Variants in PM20D2 observed in about 807,000 individuals in gnomAD.
The protein encoded by PM20D2 is xaa-Arg dipeptidase.
A neutral mutation model predicts 42.9 loss-of-function variants in PM20D2; 33 were observed. The observed-to-expected ratio is 0.77, with a 90% CI of 0.58 to 1.03. The LOEUF is 1.03. PM20D2 is among the 50% of genes least tolerant of loss of function. The pLI is 0.00. For synonymous variants in PM20D2, 250 were observed against 228.2 expected (o/e 1.10, Z -0.86); for missense variants, 548 against 557.0 (o/e 0.98, Z 0.16).
At chr6:89,116,770 TGTCTAAAAA>T in the PM20D2 span, among the ~76,000 whole-genome samples, 6 of 121,926 alleles carry the variant, frequency 4.9e-5, no homozygotes, top group Non-Finnish European at 1.1e-4. Context: ...AGCGAGACTT[TGTCTAAAAA>T]AAAAAAAAAA....
chr6:89,122,514 T>G, the PM20D2 span, among the ~76,000 whole-genome samples: 2 of 152,224 alleles, frequency 1.3e-5, no homozygotes, highest in Non-Finnish European at 2.9e-5. Flanking sequence ...ATGGGCTAAT[T>G]ATCAGGTCTA....
the PM20D2 span, chr6:89,105,093 G>A: frequency 5.8e-6 from 9 of 1,550,910 alleles, no homozygotes; most frequent in Middle Eastern, 1.7e-4. Context: ...AGTAGAAAAT[G>A]AAATTTTCAG....
At chr6:89,151,867 C>T (rs1469991208) in intron 2 of PM20D2, among the ~76,000 whole-genome samples, 1 of 152,032 alleles carries the variant, frequency 6.6e-6, no homozygotes, top group Admixed American at 6.6e-5. Flanking sequence ...GCAGGAGAGT[C>T]TCTTGAGCCC....
chr6:89,117,865 G>T, the PM20D2 span: 1 of 1,563,406 alleles, frequency 6.4e-7, no homozygotes. Context: ...GGAGGTGTTG[G>T]GGGGCCTCGT....
chr6:89,104,941 C>T, the PM20D2 span, among the ~76,000 whole-genome samples: 5 of 151,828 alleles, frequency 3.3e-5, no homozygotes, highest in East Asian at 1.9e-4. Flanking sequence ...CTGTAGTACC[C>T]GCTACTTGGG....
At chr6:89,100,198 A>G in the PM20D2 span, among the ~76,000 whole-genome samples, 1 of 152,216 alleles carries the variant, frequency 6.6e-6, no homozygotes, top group African/African-American at 2.4e-5. Flanking sequence ...AGGGACCAGC[A>G]AAAAACCGGA....
chr6:89,161,800 A>T lies in PM20D2; in HGVS notation c.1066A>T (p.Asn356Tyr). 1 of 1,611,514 alleles carries T rather than the reference A, an allele frequency of 6.2e-7. No individual in the cohort carries two copies. The highest frequency in any genetic ancestry group is 8.5e-7 in the Non-Finnish European group (1 of 1,177,580). Residue 356 changes from asparagine to tyrosine, a missense_variant, in exon 6 of 7, where the codon AAT becomes TAT. By Grantham distance (143) the Asn-to-Tyr change is moderately radical (BLOSUM62 -2). Coordinates refer to ENST00000275072, the MANE Select transcript of PM20D2 (RefSeq NM_001010853.3). ...NGPSGSTDFGNVSFVVPGIHP... is the reference protein window; with the variant it reads ...NGPSGSTDFGYVSFVVPGIHP... ...GTTCCAAGGATCTACGGATTTTGGA[A>T]ATGTTAGTTTTGTGGTTCCTGGAAT...
chr6:89,154,411 T>C (rs190547270), intron 3 of PM20D2, among the ~76,000 whole-genome samples: 2 of 152,326 alleles, frequency 1.3e-5, no homozygotes, highest in East Asian at 3.9e-4. Context: ...TGGTAAAATC[T>C]TTTCCAGAAA....
At chr6:89,113,739 G>A in the PM20D2 span, among the ~76,000 whole-genome samples, 2 of 152,146 alleles carry the variant, frequency 1.3e-5, no homozygotes, top group African/African-American at 4.8e-5. Flanking sequence ...GACCACCTGG[G>A]CTCAGGCGAT....
the PM20D2 span, chr6:89,098,580 A>C: frequency 6.2e-7 from 1 of 1,607,582 alleles, no homozygotes; most frequent in Non-Finnish European, 8.5e-7. Flanking sequence ...GTTGCTGTTC[A>C]CCAACTGTTT....
the PM20D2 span, among the ~76,000 whole-genome samples, chr6:89,130,810 CTTCTT>C: frequency 1.7e-5 from 1 of 57,594 alleles, no homozygotes; most frequent in South Asian, 8.4e-4. Flanking sequence ...TTGTATCTGG[CTTCTT>C]CTTCTTTTTT....
upstream of PM20D2, among the ~76,000 whole-genome samples, chr6:89,142,950 G>A (rs568626009): frequency 1.3e-5 from 2 of 152,210 alleles, no homozygotes; most frequent in East Asian, 1.9e-4. Context: ...GCGCCACCGC[G>A]CCCGGCCCCC....
At chr6:89,104,703 G>A in the PM20D2 span, among the ~76,000 whole-genome samples, 3,446 of 152,104 alleles carry the variant, frequency 0.023, 79 homozygotes, top group African/African-American at 0.063. Context: ...AACAAAAATT[G>A]ATTATGTTTG....
At chr6:89,157,538 C>T (rs1771092328) in intron 4 of PM20D2, among the ~76,000 whole-genome samples, 1 of 152,174 alleles carries the variant, frequency 6.6e-6, no homozygotes, top group Non-Finnish European at 1.5e-5. Flanking sequence ...TTCTACATTT[C>T]CCTCAGAGTA....
intron 5 of PM20D2, among the ~76,000 whole-genome samples, chr6:89,160,995 A>G (rs1173496419): frequency 2.0e-5 from 3 of 152,124 alleles, no homozygotes; most frequent in Non-Finnish European, 4.4e-5. Flanking sequence ...TTGAAAAAAA[A>G]AAGACGGCAA....
At chr6:89,137,159 C>T in the PM20D2 span, among the ~76,000 whole-genome samples, 1 of 145,026 alleles carries the variant, frequency 6.9e-6, no homozygotes, top group Non-Finnish European at 1.5e-5. Context: ...TACTGAGATT[C>T]TACATTAATT....
chr6:89,118,336 T>G, the PM20D2 span, among the ~76,000 whole-genome samples: 108,261 of 152,032 alleles, frequency 0.71, 38,652 homozygotes, highest in East Asian at 0.8. Flanking sequence ...GGAGGTGGGG[T>G]CAGTGAGAGC....
At chr6:89,145,277 G>A (rs1770487465), upstream of PM20D2, among the ~76,000 whole-genome samples, 1 of 152,140 alleles carries the variant, frequency 6.6e-6, no homozygotes, top group Admixed American at 6.5e-5. Context: ...CAGTTATAAT[G>A]TAACACCAGC....
chr6:89,148,774 A>T (rs971786151), intron 1 of PM20D2, among the ~76,000 whole-genome samples: 8 of 152,180 alleles, frequency 5.3e-5, no homozygotes, highest in African/African-American at 1.9e-4. Flanking sequence ...ACTTCACTCA[A>T]TTCCTCAAAA....
Sources: allele counts gnomAD v4.1 joint callset (sites outside exome capture counted in the v4.1 genomes callset), GRCh38; gene constraint gnomAD v4.1.1; transcripts MANE v1.5; gene names NCBI Gene and HGNC (gene_info 2026-07-23, HGNC 2026-07-21).